Variants in CD8B observed in about 807,000 individuals in gnomAD.
CD8B encodes T-cell surface glycoprotein CD8 beta chain.
Under a neutral mutation model 24.2 loss-of-function variants are expected in CD8B, and 6 were observed. That is an observed-to-expected ratio of 0.25 (90% CI 0.14 to 0.49). The LOEUF (loss-of-function observed/expected upper bound fraction) is 0.49. CD8B is among the 20% of genes least tolerant of loss of function. CD8B has a pLI of 0.98. For synonymous variants in CD8B, 84 were observed against 108.3 expected, an observed-to-expected ratio of 0.78 and a Z score of 1.39; for missense variants, 196 against 271.3, an observed-to-expected ratio of 0.72 and a Z score of 1.95.
At chr2:86,835,436 G>A (rs181038893), downstream of CD8B, among the ~76,000 whole-genome samples, 110 of 152,236 alleles carry the variant, frequency 7.2e-4, no homozygotes, top group Non-Finnish European at 1.5e-3. Flanking sequence ...TTCGTGATCC[G>A]AAGGCAGGCC....
At chr2:86,825,506 T>A (rs1674643378) in intron 5 of CD8B, among the ~76,000 whole-genome samples, 1 of 152,174 alleles carries the variant, frequency 6.6e-6, no homozygotes, top group Non-Finnish European at 1.5e-5. Context: ...GACAGAGGCT[T>A]GTGGCTGGCT....
Position 86,841,578 on chromosome 2 carries a change from G to A in CD8B, c.*729C>T, listed in dbSNP as rs756731747. On this transcript the variant is annotated 3_prime_UTR_variant, in exon 6 of 6. Coordinates refer to ENST00000390655, the MANE Select transcript of CD8B (RefSeq NM_004931.5). ...GCTTTCGCACGTTTATGTCACAGGA[G>A]CCGTTTGTTATCTTTAACCTGGGAC... is the stretch of plus-strand genomic sequence containing the variant. The A allele has an allele frequency of 5.1e-6, 5 of 985,306 alleles. No homozygotes were observed. Among genetic ancestry groups the A allele is most frequent in the Non-Finnish European group, 6.0e-6 (5 of 829,842 alleles). The allele number at this position is 985,306 out of a possible 1,614,324, so 61.0% of individuals were successfully genotyped here. A position where few individuals can be genotyped will look rare whatever the true frequency, so the allele number is the denominator to read the frequency against.
chr2:86,820,196 T>C (rs1674405397), intron 5 of CD8B, among the ~76,000 whole-genome samples: 1 of 152,222 alleles, frequency 6.6e-6, no homozygotes, highest in South Asian at 2.1e-4. Context: ...TAGAGAATGT[T>C]ACATAAACTT....
intron 3 of CD8B, among the ~76,000 whole-genome samples, chr2:86,850,214 C>T (rs960758147): frequency 6.6e-6 from 1 of 152,114 alleles, no homozygotes; most frequent in African/African-American, 2.4e-5. Flanking sequence ...GGGTAAGGGG[C>T]CATTTGCCAG....
At chr2:86,822,265 G>GT (rs1674508884) in intron 5 of CD8B, 9 of 960,740 alleles carry the variant, frequency 9.4e-6, no homozygotes, top group Non-Finnish European at 1.5e-5. Flanking sequence ...TCTGTTTCAG[G>GT]TAAGAGTCAT....
intron 4 of CD8B, among the ~76,000 whole-genome samples, chr2:86,846,387 G>A (rs1675676968): frequency 6.6e-6 from 1 of 152,064 alleles, no homozygotes; most frequent in Non-Finnish European, 1.5e-5. Context: ...ACTCTGGGAG[G>A]TAGCTAATGT....
intron 5 of CD8B, chr2:86,822,221 T>A (rs1165232602): frequency 3.0e-6 from 2 of 657,742 alleles, no homozygotes; most frequent in Non-Finnish European, 5.3e-6. Context: ...TGTTTTCCAC[T>A]TATACCCCAG....
At chr2:86,843,529 C>T (rs1353146427) in intron 5 of CD8B, 1 of 976,932 alleles carries the variant, frequency 1.0e-6, no homozygotes, top group Non-Finnish European at 1.2e-6. Context: ...TGAAAATTGC[C>T]CATAAAATCC....
At chr2:86,854,736 A>AT (rs1676147328) in intron 2 of CD8B, among the ~76,000 whole-genome samples, 1 of 151,708 alleles carries the variant, frequency 6.6e-6, no homozygotes, top group African/African-American at 2.4e-5. Flanking sequence ...CTCTGCACTG[A>AT]TTTTCTCCAA....
At chr2:86,825,472 C>T (rs540951897) in intron 5 of CD8B, among the ~76,000 whole-genome samples, 3 of 152,288 alleles carry the variant, frequency 2.0e-5, no homozygotes, top group African/African-American at 4.8e-5. Flanking sequence ...CCCCAAGGGT[C>T]GCAGTAAACC....
intron 5 of CD8B, among the ~76,000 whole-genome samples, chr2:86,832,308 G>A (rs997271180): frequency 2.0e-5 from 3 of 151,806 alleles, no homozygotes; most frequent in African/African-American, 4.8e-5. Context: ...GTGAAACCTC[G>A]TCTCTACTAA....
chr2:86,840,753 A>G lies in CD8B; in HGVS notation c.*1554T>C, dbSNP rs1292742204. ...TTTGTTCAAAATGCCAAGGACCTGG[A>G]CAACTTACACTCAAGGCCCTCCTTC... On this transcript the variant is annotated 3_prime_UTR_variant, in exon 6 of 6. Transcript: ENST00000390655. Among the ~76,000 whole-genome samples the G allele has an allele frequency of 6.6e-6, 1 of 152,044 alleles. No homozygotes were observed. Among genetic ancestry groups the G allele is most frequent in the African/African-American group, 2.4e-5 (1 of 41,362 alleles).
chr2:86,831,660 GCAGCAGAAACCC>G (rs144719672), intron 5 of CD8B, among the ~76,000 whole-genome samples: 49,859 of 151,950 alleles, frequency 0.33, 8,616 homozygotes, highest in Non-Finnish European at 0.39. Flanking sequence ...CTCTGATGAG[GCAGCAGAAACCC>G]AGAAGCCAGA....
Position 86,842,016 on chromosome 2 carries a change from C to G in CD8B, c.*291G>C, listed in dbSNP as rs1018042181. 1.5e-4 allele frequency: 176 copies of G among 1,169,128 alleles called. No individual in the cohort carries two copies. The highest frequency in any genetic ancestry group is 3.7e-4 in the Admixed American group (8 of 21,348). 72.4% of individuals were successfully genotyped at this position (1,169,128 alleles called of 1,614,324 possible). A position where few individuals can be genotyped will look rare whatever the true frequency, so the allele number is the denominator to read the frequency against. ...TAAAGGTCCCAGTTCAGGGAAAGCA[C>G]AGGAGCCGGAAGCGGTGGCATGGGC... On this transcript the variant is annotated 3_prime_UTR_variant, in exon 6 of 6. Coordinates refer to ENST00000390655, the MANE Select transcript of CD8B (RefSeq NM_004931.5).
intron 5 of CD8B, among the ~76,000 whole-genome samples, chr2:86,818,933 T>C (rs547321609): frequency 1.4e-4 from 22 of 152,174 alleles, no homozygotes; most frequent in Non-Finnish European, 3.2e-4. Flanking sequence ...ACTAATCCAG[T>C]GAGCACATGA....
intron 1 of CD8B, among the ~76,000 whole-genome samples, chr2:86,861,361 A>G (rs1676579183): frequency 6.6e-6 from 1 of 152,020 alleles, no homozygotes; most frequent in Admixed American, 6.5e-5. Flanking sequence ...CCCTCCGAGA[A>G]CTGAGAACGC....
chr2:86,849,640 A>G (rs1675874008), intron 3 of CD8B, among the ~76,000 whole-genome samples: 1 of 151,646 alleles, frequency 6.6e-6, no homozygotes, highest in African/African-American at 2.4e-5. Flanking sequence ...ACCCAAAATC[A>G]TTGAATTTGT....
At chr2:86,818,336 C>A (rs538967177) in intron 5 of CD8B, among the ~76,000 whole-genome samples, 1 of 152,180 alleles carries the variant, frequency 6.6e-6, no homozygotes, top group South Asian at 2.1e-4. Context: ...CATTTTATTG[C>A]ACTTTATTTT....
At chr2:86,826,279 T>G (rs1452969708) in intron 5 of CD8B, among the ~76,000 whole-genome samples, 4 of 151,958 alleles carry the variant, frequency 2.6e-5, no homozygotes, top group Non-Finnish European at 5.9e-5. Flanking sequence ...TCCCCAGTTG[T>G]GTGGCGGGTG....
Sources: allele counts gnomAD v4.1 joint callset (sites outside exome capture counted in the v4.1 genomes callset), GRCh38; gene constraint gnomAD v4.1.1; transcripts MANE v1.5; gene names NCBI Gene and HGNC (gene_info 2026-07-23, HGNC 2026-07-21).